POFUT3: variants seen among roughly 807,000 people sequenced by gnomAD.
POFUT3 encodes GDP-fucose protein O-fucosyltransferase 3.
chr8:33,372,366 A>G, the POFUT3 span: 1 of 1,342,294 alleles, frequency 7.4e-7, no homozygotes, highest in Non-Finnish European at 9.5e-7. Flanking sequence ...TCCATAAGAA[A>G]TATTTCCTTT....
At chr8:33,434,548 C>T in the POFUT3 span, among the ~76,000 whole-genome samples, 1 of 152,160 alleles carries the variant, frequency 6.6e-6, no homozygotes, top group African/African-American at 2.4e-5. Flanking sequence ...TCTGTGGGTT[C>T]TTTAAAAACA....
At chr8:33,472,825 C>T in the POFUT3 span, among the ~76,000 whole-genome samples, 1 of 152,210 alleles carries the variant, frequency 6.6e-6, no homozygotes, top group Non-Finnish European at 1.5e-5. Context: ...CAGGCAGTGG[C>T]TCTGCCTTTG....
the POFUT3 span, among the ~76,000 whole-genome samples, chr8:33,433,783 C>CG: frequency 6.8e-6 from 1 of 147,680 alleles, no homozygotes; most frequent in Non-Finnish European, 1.5e-5. Flanking sequence ...GATTCAGTCT[C>CG]GGGAAAAAAA....
chr8:33,320,515 C>T, the POFUT3 span, among the ~76,000 whole-genome samples: 1 of 151,922 alleles, frequency 6.6e-6, no homozygotes, highest in African/African-American at 2.4e-5. Flanking sequence ...TAAACTACTC[C>T]AAAACTCAGT....
chr8:33,317,465 T>C, the POFUT3 span, among the ~76,000 whole-genome samples: 17 of 152,252 alleles, frequency 1.1e-4, no homozygotes, highest in Middle Eastern at 3.4e-3. Flanking sequence ...TCAGGGAATC[T>C]TTGAATCTAC....
the POFUT3 span, among the ~76,000 whole-genome samples, chr8:33,380,087 C>G: frequency 3.8e-5 from 2 of 52,992 alleles, no homozygotes; most frequent in Non-Finnish European, 6.0e-5. Context: ...ACTATATATA[C>G]TATATATATA....
chr8:33,362,544 A>G, the POFUT3 span, among the ~76,000 whole-genome samples: 1 of 152,192 alleles, frequency 6.6e-6, no homozygotes, highest in East Asian at 1.9e-4. Context: ...AAAGATGCAC[A>G]TGGACTCAAA....
chr8:33,366,965 C>T, the POFUT3 span, among the ~76,000 whole-genome samples: 6 of 152,120 alleles, frequency 3.9e-5, no homozygotes, highest in Non-Finnish European at 5.9e-5. Flanking sequence ...ATGCACTGGC[C>T]GAACATGGTG....
chr8:33,461,664 C>T, the POFUT3 span: 1 of 1,511,270 alleles, frequency 6.6e-7, no homozygotes, highest in African/African-American at 1.4e-5. Context: ...AGCATGCAGT[C>T]TTCTTAGGCT....
the POFUT3 span, among the ~76,000 whole-genome samples, chr8:33,443,193 A>T: frequency 6.6e-6 from 1 of 152,248 alleles, no homozygotes; most frequent in Non-Finnish European, 1.5e-5. Flanking sequence ...AAAGAAGCCT[A>T]GGAATTACAT....
At chr8:33,382,145 T>C in the POFUT3 span, among the ~76,000 whole-genome samples, 3 of 151,932 alleles carry the variant, frequency 2.0e-5, no homozygotes, top group African/African-American at 7.3e-5. Context: ...TTACAAAAAT[T>C]TGCCAGGCAT....
the POFUT3 span, among the ~76,000 whole-genome samples, chr8:33,380,006 A>C: frequency 0.014 from 1,071 of 74,702 alleles, 71 homozygotes; most frequent in Admixed American, 0.051. Context: ...TATATATACT[A>C]TATATATAGT....
chr8:33,394,184 CA>C, the POFUT3 span: 21 of 224,918 alleles, frequency 9.3e-5, no homozygotes, highest in South Asian at 2.2e-4. Flanking sequence ...GATCTTGTCT[CA>C]AAAAAATATA....
chr8:33,419,828 T>C, the POFUT3 span, among the ~76,000 whole-genome samples: 1 of 152,130 alleles, frequency 6.6e-6, no homozygotes, highest in Admixed American at 6.6e-5. Context: ...TAAACTTCAT[T>C]TATTTATTTA....
At chr8:33,457,061 GC>G in the POFUT3 span, among the ~76,000 whole-genome samples, 1 of 151,312 alleles carries the variant, frequency 6.6e-6, no homozygotes, top group African/African-American at 2.4e-5. Flanking sequence ...AAGCCACCAT[GC>G]CCGGCCAAAC....
chr8:33,433,216 C>T, the POFUT3 span, among the ~76,000 whole-genome samples: 1 of 150,656 alleles, frequency 6.6e-6, no homozygotes, highest in South Asian at 2.1e-4. Flanking sequence ...CTTGGGCAAC[C>T]GAGTGAGACA....
chr8:33,456,004 G>C, the POFUT3 span: 1 of 350,012 alleles, frequency 2.9e-6, no homozygotes, highest in Admixed American at 3.8e-5. Context: ...AGACGCCAAA[G>C]TCAACACTAG....
chr8:33,343,807 C>T, the POFUT3 span, among the ~76,000 whole-genome samples: 1 of 152,222 alleles, frequency 6.6e-6, no homozygotes, highest in African/African-American at 2.4e-5. Flanking sequence ...CAGAAACTCA[C>T]ACACGTCTTC....
the POFUT3 span, among the ~76,000 whole-genome samples, chr8:33,422,710 T>TCATGCTA: frequency 1.3e-5 from 2 of 152,060 alleles, no homozygotes; most frequent in South Asian, 4.1e-4. Flanking sequence ...AGTGTTCAAG[T>TCATGCTA]CATGCTACAG....
Sources: gnomAD v4.1 joint callset for allele counts (sites outside exome capture counted in the v4.1 genomes callset) on GRCh38, gnomAD v4.1.1 for gene constraint, MANE v1.5 for transcripts, NCBI Gene and HGNC (gene_info 2026-07-23, HGNC 2026-07-21) for gene names.